SAMHD1: variants seen among roughly 807,000 people sequenced by gnomAD.
SAMHD1 encodes SAM and HD domain containing deoxynucleoside triphosphate triphosphohydrolase 1.
A neutral mutation model predicts 79.6 loss-of-function variants in SAMHD1; 54 were observed. The observed-to-expected ratio is 0.68, with a 90% CI of 0.55 to 0.85. SAMHD1 has a LOEUF of 0.85. Among genes scored for constraint, SAMHD1 ranks in the 40% least tolerant of loss-of-function variants. The pLI is 0.00. For missense variants in SAMHD1, 663 were observed against 782.7 expected (o/e 0.85, Z 1.82); for synonymous variants, 260 against 264.1 (o/e 0.98, Z 0.15).
At chr20:36,923,885 A>T (rs902864500) in intron 6 of SAMHD1, among the ~76,000 whole-genome samples, 2 of 152,300 alleles carry the variant, frequency 1.3e-5, no homozygotes, top group South Asian at 4.1e-4. Context: ...ATTTGGGCCA[A>T]GGTTGAGGAC....
intron 3 of SAMHD1, chr20:36,940,664 AC>A: frequency 9.9e-6 from 3 of 303,220 alleles, no homozygotes; most frequent in South Asian, 3.0e-5. Context: ...GCACCACTGT[AC>A]TCCAGCCTAG....
intron 11 of SAMHD1, among the ~76,000 whole-genome samples, chr20:36,907,366 T>C (rs1324213210): frequency 6.6e-6 from 1 of 151,830 alleles, no homozygotes; most frequent in East Asian, 1.9e-4. Context: ...ACTCAGGCAA[T>C]CCTCACGCCT....
At chr20:36,911,613 A>G in intron 10 of SAMHD1, 1 of 310,718 alleles carries the variant, frequency 3.2e-6, no homozygotes, top group South Asian at 4.3e-5. Flanking sequence ...TAGATGCAGA[A>G]ATGAAGTAAA....
At chr20:36,909,234 T>C (rs935688373) in intron 11 of SAMHD1, among the ~76,000 whole-genome samples, 5 of 152,128 alleles carry the variant, frequency 3.3e-5, no homozygotes, top group African/African-American at 4.8e-5. Flanking sequence ...AGTGCTGGGA[T>C]TACAGGCGTA....
chr20:36,905,816 C>T (rs2063401677), intron 11 of SAMHD1, among the ~76,000 whole-genome samples: 1 of 151,790 alleles, frequency 6.6e-6, no homozygotes, highest in Admixed American at 6.6e-5. Flanking sequence ...ACTAACAATA[C>T]AAAAAAATTA....
chr20:36,893,992 C>T (rs1434047842), intron 15 of SAMHD1: 2 of 398,504 alleles, frequency 5.0e-6, no homozygotes, highest in Non-Finnish European at 8.8e-6. Context: ...CTGGCACGAG[C>T]GGCAGTGGCA....
chr20:36,927,525 C>A (rs1228170042), intron 5 of SAMHD1, among the ~76,000 whole-genome samples: 1 of 152,034 alleles, frequency 6.6e-6, no homozygotes, highest in Admixed American at 6.6e-5. Flanking sequence ...CTACGTTGGT[C>A]AGGCTGGTCT....
intron 6 of SAMHD1, among the ~76,000 whole-genome samples, chr20:36,925,948 A>C (rs1303386880): frequency 6.6e-6 from 1 of 152,196 alleles, no homozygotes; most frequent in African/African-American, 2.4e-5. Context: ...CATATGACCC[A>C]GCAATTCTAG....
At chr20:36,903,019 G>A (rs1221538383) in intron 13 of SAMHD1, among the ~76,000 whole-genome samples, 1 of 152,030 alleles carries the variant, frequency 6.6e-6, no homozygotes, top group Non-Finnish European at 1.5e-5. Flanking sequence ...GATTATAGGC[G>A]TGAGCCACCT....
At chr20:36,919,709 A>G (rs1568771064) in intron 6 of SAMHD1, among the ~76,000 whole-genome samples, 190 bp from the exon 7 acceptor site, 1 of 152,226 alleles carries the variant, frequency 6.6e-6, no homozygotes, top group Non-Finnish European at 1.5e-5. Flanking sequence ...CTAGTAGTCT[A>G]CAAACCTTTT....
Position 36,945,836 on chromosome 20 carries a change from AG to A in SAMHD1, c.275+901del, listed in dbSNP as rs959067952. On this transcript the variant is annotated intron_variant, in intron 2 of 15. Coordinates refer to ENST00000646673, the MANE Select transcript of SAMHD1 (RefSeq NM_015474.4). ...TGAGGCAGGAGAATGGCTTGAACCC[AG>A]GGGGTTCAGTGAGCCGGGATCGCAC... Among the ~76,000 whole-genome samples, 7 of 151,774 alleles carry A rather than the reference AG, an allele frequency of 4.6e-5. No homozygotes were observed. The East Asian group carries it at 7.8e-4, about 17-fold the overall frequency.
In SAMHD1 at chr20:36,935,059, G is replaced by C. The variant is rs1234364779; in HGVS notation, c.479C>G (p.Ala160Gly). 1.9e-6 allele frequency: 3 copies of C among 1,614,094 alleles called. No individual in the cohort carries two copies. Among genetic ancestry groups the C allele is most frequent in the Non-Finnish European group, 2.5e-6 (3 of 1,180,012 alleles). ...ACTATGCTCAAATCGATTGTGTGAA[G>C]CTCCTGGAAAAACATAGTAACCACC... ...LGGGYYVFPGASHNRFEHSLG... is the reference protein window; with the variant it reads ...LGGGYYVFPGGSHNRFEHSLG... The change falls in exon 4 of 16, where the codon GCT becomes GGT. Residue 160 changes from alanine to glycine, a missense_variant. Transcript: ENST00000646673.
chr20:36,905,688 C>A (rs562592456), intron 11 of SAMHD1, among the ~76,000 whole-genome samples, 185 bp from the exon 12 acceptor site: 6 of 152,004 alleles, frequency 3.9e-5, no homozygotes, highest in Non-Finnish European at 7.4e-5. Context: ...CTGTTCCAGT[C>A]GGCCAGTCAT....
chr20:36,894,055 C>G, intron 15 of SAMHD1: 1 of 397,042 alleles, frequency 2.5e-6, no homozygotes, highest in Middle Eastern at 6.3e-4. Context: ...CCTGGACTCC[C>G]ACCTGCTCCC....
Position 36,951,687 on chromosome 20 carries a change from C to G in SAMHD1, c.-44G>C. Reference sequence around the variant, plus strand: ...GCACAGCAGTCAAGAACCTCGGCGCCGGACCCGCGCGCAGGCGCACTGACA... The same window carrying G: ...GCACAGCAGTCAAGAACCTCGGCGCGGGACCCGCGCGCAGGCGCACTGACA... On this transcript the variant is annotated 5_prime_UTR_variant, in exon 1 of 16. Transcript: ENST00000646673. The G allele has an allele frequency of 6.2e-7, 1 of 1,609,614 alleles. No individual in the cohort carries two copies. Among genetic ancestry groups the G allele is most frequent in the Non-Finnish European group, 8.5e-7 (1 of 1,179,820 alleles).
chr20:36,942,771 C>T lies in SAMHD1; in HGVS notation c.276-1660G>A, dbSNP rs371650475. Among the ~76,000 whole-genome samples, 13 of 151,986 alleles carry T rather than the reference C, an allele frequency of 8.6e-5. 1 individual carries two copies. The highest frequency in any genetic ancestry group is 1.2e-4 in the African/African-American group (5 of 41,416). ...ACGCCATTCTCCCGCCTCAGCCTCC[C>T]GAGTAGCTGGGACTACAGCCGCCCG... is the stretch of plus-strand genomic sequence containing the variant. On this transcript the variant is annotated intron_variant, in intron 2 of 15. Transcript: ENST00000646673.
chr20:36,912,348 A>T, intron 10 of SAMHD1, 113 bp downstream of exon 10: 1 of 700,898 alleles, frequency 1.4e-6, no homozygotes, highest in Non-Finnish European at 2.5e-6. Flanking sequence ...TTTTCAATTT[A>T]ATCACTTAAT....
intron 1 of SAMHD1, among the ~76,000 whole-genome samples, chr20:36,948,280 T>C (rs1041967862): frequency 6.6e-6 from 1 of 150,774 alleles, no homozygotes; most frequent in African/African-American, 2.4e-5. Context: ...CGAGATGGAG[T>C]CTCACTCGGT....
At chr20:36,943,439 C>A (rs1389059876) in intron 2 of SAMHD1, among the ~76,000 whole-genome samples, 1 of 152,142 alleles carries the variant, frequency 6.6e-6, no homozygotes, top group Non-Finnish European at 1.5e-5. Flanking sequence ...TTATACAGAA[C>A]AATACAGCTC....
Sources: gnomAD v4.1 joint callset for allele counts (sites outside exome capture counted in the v4.1 genomes callset) on GRCh38, gnomAD v4.1.1 for gene constraint, MANE v1.5 for transcripts, NCBI Gene and HGNC (gene_info 2026-07-23, HGNC 2026-07-21) for gene names.